Variants in CREB5 observed in about 807,000 individuals in gnomAD.
CREB5 encodes cyclic AMP-responsive element-binding protein 5.
Under a neutral mutation model 57.1 loss-of-function variants are expected in CREB5, and 19 were observed. The observed-to-expected ratio is 0.33, with a 90% CI of 0.23 to 0.49. The LOEUF (loss-of-function observed/expected upper bound fraction) is 0.49. Among genes scored for constraint, CREB5 ranks in the 20% least tolerant of loss-of-function variants. CREB5 has a pLI of 0.99. For missense variants in CREB5, 579 were observed against 671.6 expected, an observed-to-expected ratio of 0.86 and a Z score of 1.52; for synonymous variants, 238 against 238.3, an observed-to-expected ratio of 1.00 and a Z score of 0.01.
intron 3 of CREB5, among the ~76,000 whole-genome samples, chr7:28,498,213 A>G (rs1792131737): frequency 1.3e-5 from 2 of 152,200 alleles, no homozygotes; most frequent in African/African-American, 4.8e-5. Context: ...GACTTGTAAT[A>G]TAGTAGCAAC....
At chr7:28,569,928 A>G (rs1226299609) in intron 4 of CREB5, among the ~76,000 whole-genome samples, 3 of 152,006 alleles carry the variant, frequency 2.0e-5, no homozygotes, top group Non-Finnish European at 4.4e-5. Flanking sequence ...ATGGTTGGGC[A>G]CTCTTATAGG....
At position 28,434,647 on chromosome 7, in the gene CREB5, TC is replaced by T. The variant is rs769320458; in HGVS notation, c.3+21732del. On this transcript the variant is annotated intron_variant, in intron 1 of 10. Coordinates refer to ENST00000357727, the MANE Select transcript of CREB5 (RefSeq NM_182898.4). ...TTTTTAAACCACATTAACTACTTTT[TC>T]CTTCAATGTGAGTCATATAGTCTGA... Among the ~76,000 whole-genome samples the T allele has an allele frequency of 3.9e-5, 6 of 152,334 alleles. No individual in the cohort carries two copies. In the East Asian group the frequency reaches 1.2e-3, roughly 29 times the overall value.
At chr7:28,433,204 T>C (rs553208779) in intron 1 of CREB5, among the ~76,000 whole-genome samples, 1 of 152,284 alleles carries the variant, frequency 6.6e-6, no homozygotes, top group African/African-American at 2.4e-5. Flanking sequence ...TAGGTGTTGA[T>C]ACATTTTGCT....
chr7:28,694,415 C>T (rs1217573752), intron 5 of CREB5, among the ~76,000 whole-genome samples: 3 of 151,724 alleles, frequency 2.0e-5, no homozygotes, highest in Non-Finnish European at 4.4e-5. Context: ...TACATGGCTG[C>T]TTTTTGCCAT....
At chr7:28,462,674 C>T (rs56135618) in intron 1 of CREB5, among the ~76,000 whole-genome samples, 75 of 152,014 alleles carry the variant, frequency 4.9e-4, no homozygotes, top group South Asian at 1.7e-3. Context: ...CTGATGTTGA[C>T]GATATTTTTA....
intron 3 of CREB5, among the ~76,000 whole-genome samples, chr7:28,496,775 C>T (rs1236576076): frequency 6.8e-6 from 1 of 146,962 alleles, no homozygotes; most frequent in African/African-American, 2.6e-5. Context: ...CCACTCGCCA[C>T]CTCTCAGCCT....
intron 1 of CREB5, among the ~76,000 whole-genome samples, chr7:28,373,311 T>A (rs1288304780): frequency 1.3e-5 from 2 of 152,206 alleles, no homozygotes; most frequent in Non-Finnish European, 2.9e-5. Flanking sequence ...GAGAAGTATA[T>A]TAGAAATTGC....
intron 7 of CREB5, among the ~76,000 whole-genome samples, chr7:28,744,340 CTTTTTTTTTTTTTT>C (rs753167682): frequency 2.3e-5 from 2 of 88,786 alleles, no homozygotes; most frequent in African/African-American, 9.1e-5. Flanking sequence ...TTTAGTACCT[CTTTTTTTTTTTTTT>C]TTTTTTTTTT....
At chr7:28,691,293 G>T (rs1801242096) in intron 5 of CREB5, among the ~76,000 whole-genome samples, 1 of 151,770 alleles carries the variant, frequency 6.6e-6, no homozygotes, top group Admixed American at 6.6e-5. Flanking sequence ...GGTGGCGGGT[G>T]CCTGTAATCT....
At chr7:28,581,357 C>A (rs567507192) in intron 5 of CREB5, among the ~76,000 whole-genome samples, 15 of 152,158 alleles carry the variant, frequency 9.9e-5, no homozygotes, top group Non-Finnish European at 1.5e-5. Flanking sequence ...TTTTAACCAG[C>A]GGAGTGTTCA....
At chr7:28,813,767 G>A (rs369136016) in intron 9 of CREB5, among the ~76,000 whole-genome samples, 60 of 152,182 alleles carry the variant, frequency 3.9e-4, no homozygotes, top group East Asian at 5.8e-4. Context: ...TCTCTGTGGC[G>A]TGCTGCTTCA....
At chr7:28,388,083 C>A (rs1562686867) in intron 1 of CREB5, among the ~76,000 whole-genome samples, 1 of 152,116 alleles carries the variant, frequency 6.6e-6, no homozygotes, top group East Asian at 1.9e-4. Flanking sequence ...TCCTGCAAGA[C>A]CTGAGTTGAG....
At chr7:28,410,091 G>T (rs1283450229), upstream of CREB5, 6 of 397,540 alleles carry the variant, frequency 1.5e-5, no homozygotes, top group African/African-American at 1.3e-4. Flanking sequence ...CAGGGGGCTC[G>T]CTCTCCCCGG....
intron 1 of CREB5, among the ~76,000 whole-genome samples, chr7:28,302,404 C>A (rs1022165956): frequency 3.2e-4 from 49 of 152,224 alleles, no homozygotes; most frequent in African/African-American, 1.2e-3. Flanking sequence ...CTGAAATTGA[C>A]AATGGACTTT....
At chr7:28,458,104 C>A (rs958238207) in intron 1 of CREB5, among the ~76,000 whole-genome samples, 11 of 152,242 alleles carry the variant, frequency 7.2e-5, no homozygotes, top group African/African-American at 2.2e-4. Context: ...CAAGACAGAA[C>A]CCTGGAACAG....
chr7:28,453,306 G>T (rs942048102), intron 1 of CREB5, among the ~76,000 whole-genome samples: 3 of 152,086 alleles, frequency 2.0e-5, no homozygotes, highest in African/African-American at 7.2e-5. Context: ...GGGCATGGTG[G>T]CACACGCCTG....
intron 7 of CREB5, among the ~76,000 whole-genome samples, chr7:28,755,028 T>C (rs1303490818): frequency 6.6e-6 from 1 of 152,148 alleles, no homozygotes; most frequent in Non-Finnish European, 1.5e-5. Context: ...TAAGATTGAC[T>C]CTTTAAATTA....
In CREB5 at chr7:28,821,126, A is replaced by ACGTGTG. The variant is rs1554304539; in HGVS notation, c.*1847_*1848insCGTGTG. 3.2e-4 allele frequency: 47 copies of ACGTGTG among 146,442 alleles called. No individual in the cohort carries two copies. Among genetic ancestry groups the ACGTGTG allele is most frequent in the African/African-American group, 1.1e-3 (45 of 39,466 alleles). The allele number at this position is 146,442 out of a possible 1,614,324, so 9.1% of individuals were successfully genotyped here. A position where few individuals can be genotyped will look rare whatever the true frequency, so the allele number is the denominator to read the frequency against. On this transcript the variant is annotated 3_prime_UTR_variant, in exon 11 of 11. Transcript: ENST00000357727. Reference sequence around the variant, plus strand: ...CTCCATTTGAATGCTTGACCTCTTAATGTGTGTGTGTGTGTGTGTGTGTGT... The same window carrying ACGTGTG: ...CTCCATTTGAATGCTTGACCTCTTAACGTGTGTGTGTGTGTGTGTGTGTGTGTGTGT...
At chr7:28,699,498 C>G (rs1282877198) in intron 5 of CREB5, among the ~76,000 whole-genome samples, 1 of 152,082 alleles carries the variant, frequency 6.6e-6, no homozygotes, top group Non-Finnish European at 1.5e-5. Context: ...AAAAGCAGTA[C>G]CTAAAAGGGA....
Sources: gnomAD v4.1 joint callset for allele counts (sites outside exome capture counted in the v4.1 genomes callset) on GRCh38, gnomAD v4.1.1 for gene constraint, MANE v1.5 for transcripts, NCBI Gene and HGNC (gene_info 2026-07-23, HGNC 2026-07-21) for gene names.